The following SLF1 variants were observed in gnomAD, a reference collection of about 807,000 sequenced individuals.
The protein encoded by SLF1 is SMC5-SMC6 complex localization factor protein 1.
A neutral mutation model predicts 123.0 loss-of-function variants in SLF1; 105 were observed. That is an observed-to-expected ratio of 0.85 (90% confidence interval 0.73 to 1.00). SLF1 has a LOEUF of 1.00. SLF1 is among the 50% of genes least tolerant of loss of function. The pLI is 0.00. For missense variants in SLF1, 1,239 were observed against 1,223.0 expected (o/e 1.01, Z -0.20); for synonymous variants, 434 against 406.6 (o/e 1.07, Z -0.81).
At chr5:94,691,922 TATG>T in intron 19 of SLF1, 149 bp from the exon 20 acceptor site, 7 of 689,340 alleles carry the variant, frequency 1.0e-5, no homozygotes, top group Non-Finnish European at 1.6e-5. Context: ...AAGGTAGAAA[TATG>T]ATTACACCCT....
At chr5:94,692,392 TAA>T in intron 20 of SLF1, 136 bp downstream of exon 20, 2 of 890,372 alleles carry the variant, frequency 2.2e-6, no homozygotes, top group Non-Finnish European at 3.3e-6. Flanking sequence ...AAAGTAAGGA[TAA>T]AAAGTCTCCT....
At chr5:94,630,921 C>T (rs1745129356) in intron 4 of SLF1, among the ~76,000 whole-genome samples, 178 bp downstream of exon 4, 2 of 152,104 alleles carry the variant, frequency 1.3e-5, no homozygotes, top group African/African-American at 4.8e-5. Context: ...AGAACAAAAT[C>T]TACTTTACAA....
intron 12 of SLF1, among the ~76,000 whole-genome samples, chr5:94,668,189 AGT>A: frequency 6.6e-6 from 1 of 151,766 alleles, no homozygotes; most frequent in Admixed American, 6.6e-5. Context: ...CACCAAGGAC[AGT>A]GTGCAGTGGC....
At position 94,628,898 on chromosome 5, in the gene SLF1, C is replaced by T. The variant is rs763513435; in HGVS notation, c.88C>T (p.Leu30=). The part of the protein sequence containing the change: ...KEALVKLLLK[L]DCTFIKSEKY... ...AGCGCTAGTCAAATTACTTTTAAAA[C>T]TAGATTGCACTTTTATTAAGAGTGA... Residue 30 remains leucine, a synonymous_variant, in exon 2 of 21, where the codon CTA becomes TTA. Transcript: ENST00000265140. 3.9e-6 allele frequency: 6 copies of T among 1,547,414 alleles called. No individual in the cohort carries two copies. The South Asian group carries it at 7.2e-5, about 19-fold the overall frequency.
chr5:94,620,132 G>C (rs991251106), intron 1 of SLF1: 8 of 152,176 alleles, frequency 5.3e-5, no homozygotes, highest in Non-Finnish European at 1.0e-4. Flanking sequence ...CGCTCGCCTC[G>C]GCCTCCCAAA....
chr5:94,673,440 T>C (rs1438703083), intron 14 of SLF1, among the ~76,000 whole-genome samples: 2 of 152,104 alleles, frequency 1.3e-5, no homozygotes, highest in Admixed American at 1.3e-4. Flanking sequence ...TTTGATATGC[T>C]GAAGTGGAAG....
In SLF1 at chr5:94,628,913, A is replaced by G; in HGVS notation, c.103A>G (p.Ile35Val). The G allele has an allele frequency of 1.9e-6, 3 of 1,542,536 alleles. No homozygotes were observed. Among genetic ancestry groups the G allele is most frequent in the South Asian group, 1.2e-5 (1 of 82,134 alleles). The change falls in exon 2 of 21, where the codon ATT (isoleucine) becomes GTT (valine). Residue 35 changes from isoleucine to valine, a missense_variant. Transcript: ENST00000265140. Reference protein sequence around the residue: ...KLLLKLDCTFIKSEKYKNCTH... With the variant: ...KLLLKLDCTFVKSEKYKNCTH... ...ACTTTTAAAACTAGATTGCACTTTT[A>G]TTAAGAGTGAGGTAAGAAACTTATC... is the stretch of plus-strand genomic sequence containing the variant.
chr5:94,677,315 AG>A, intron 14 of SLF1, among the ~76,000 whole-genome samples: 1 of 152,278 alleles, frequency 6.6e-6, no homozygotes, highest in South Asian at 2.1e-4. Flanking sequence ...CTTGTCGTCT[AG>A]GCTTGTTGGA....
intron 13 of SLF1, among the ~76,000 whole-genome samples, chr5:94,670,623 A>G (rs909263538): frequency 2.0e-5 from 3 of 151,942 alleles, no homozygotes; most frequent in African/African-American, 7.2e-5. Flanking sequence ...CTCCTGCTCT[A>G]AAACTTGCAG....
At chr5:94,686,433 G>T (rs1752439976) in intron 15 of SLF1, 140 bp from the exon 16 acceptor site, 6 of 883,838 alleles carry the variant, frequency 6.8e-6, no homozygotes, top group African/African-American at 3.4e-5. Context: ...CCTATTTTTT[G>T]TGGATTAAAA....
At chr5:94,619,950 C>G (rs1303207226) in intron 1 of SLF1, 1 of 152,202 alleles carries the variant, frequency 6.6e-6, no homozygotes, top group Non-Finnish European at 1.5e-5. Flanking sequence ...TGCCTATCGG[C>G]TCACTGCAAC....
intron 16 of SLF1, 53 bp from the exon 17 acceptor site, chr5:94,688,453 C>T: frequency 1.3e-6 from 2 of 1,547,992 alleles, no homozygotes; most frequent in Non-Finnish European, 8.9e-7. Context: ...AATAATTTCT[C>T]TTTACTGCTG....
At chr5:94,661,182 G>A (rs1749058028) in intron 9 of SLF1, among the ~76,000 whole-genome samples, 1 of 152,188 alleles carries the variant, frequency 6.6e-6, no homozygotes, top group African/African-American at 2.4e-5. Flanking sequence ...ACTCCAGGCA[G>A]CTTTCTAAAC....
At chr5:94,651,955 C>A in intron 7 of SLF1, 110 bp downstream of exon 7, 1 of 473,970 alleles carries the variant, frequency 2.1e-6, no homozygotes, top group Non-Finnish European at 3.3e-6. Context: ...TATCCAATAG[C>A]TAGATTAAGA....
At chr5:94,644,433 A>G (rs539893359) in intron 5 of SLF1, among the ~76,000 whole-genome samples, 2 of 152,158 alleles carry the variant, frequency 1.3e-5, no homozygotes, top group African/African-American at 4.8e-5. Flanking sequence ...TAAATCTCTA[A>G]TACGGCTTAC....
chr5:94,667,497 C>CA (rs1265770666), intron 12 of SLF1, among the ~76,000 whole-genome samples: 2 of 152,138 alleles, frequency 1.3e-5, no homozygotes, highest in East Asian at 3.9e-4. Flanking sequence ...AGTACCCCCC[C>CA]ACAGTATGCT....
chr5:94,690,051 T>C (rs1752902212), intron 18 of SLF1, among the ~76,000 whole-genome samples: 1 of 152,210 alleles, frequency 6.6e-6, no homozygotes. Context: ...GCATATGGGC[T>C]CTTTTCTTCC....
intron 5 of SLF1, 60 bp from the exon 6 acceptor site, chr5:94,649,394 C>G (rs767648347): frequency 3.1e-6 from 4 of 1,308,014 alleles, no homozygotes; most frequent in African/African-American, 1.5e-5. Flanking sequence ...TACCATAAAA[C>G]GTACATAATA....
chr5:94,668,257 C>T (rs1750043784), intron 12 of SLF1, among the ~76,000 whole-genome samples: 1 of 152,206 alleles, frequency 6.6e-6, no homozygotes, highest in South Asian at 2.1e-4. Flanking sequence ...TCTCCTGCCT[C>T]AGCCTCCTGA....
Sources: allele counts gnomAD v4.1 joint callset (sites outside exome capture counted in the v4.1 genomes callset), GRCh38; gene constraint gnomAD v4.1.1; transcripts MANE v1.5; gene names NCBI Gene and HGNC (gene_info 2026-07-23, HGNC 2026-07-21).